The following ARHGAP12 variants were observed in gnomAD, a reference collection of about 807,000 sequenced individuals.
The protein encoded by ARHGAP12 is rho GTPase-activating protein 12.
In ARHGAP12, 64 loss-of-function variants were observed where a neutral mutation model predicts 108.6. The ratio of observed to expected loss-of-function variants is 0.59; its 90% CI spans 0.48 to 0.73. The LOEUF (loss-of-function observed/expected upper bound fraction) is 0.73, where lower values mean the gene tolerates loss of function less well. Ranked by LOEUF, ARHGAP12 falls within the 30% of genes least tolerant of loss-of-function variation. The pLI, the probability that ARHGAP12 is intolerant of heterozygous loss-of-function variation, is 0.00. For synonymous variants in ARHGAP12, 312 were observed against 337.2 expected (o/e 0.93, Z 0.82); for missense variants, 940 against 1,005.9 (o/e 0.93, Z 0.89).
chr10:31,899,695 G>A (rs967880620), intron 3 of ARHGAP12, among the ~76,000 whole-genome samples: 2 of 152,084 alleles, frequency 1.3e-5, no homozygotes, highest in African/African-American at 4.8e-5. Context: ...TGAACCTAAA[G>A]ACCTTACACC....
intron 3 of ARHGAP12, among the ~76,000 whole-genome samples, chr10:31,903,875 T>C (rs1029153908): frequency 6.6e-6 from 1 of 152,182 alleles, no homozygotes; most frequent in African/African-American, 2.4e-5. Flanking sequence ...TCAACATCAG[T>C]ACCCATTAGA....
In ARHGAP12 at chr10:31,828,981, G is replaced by A. The variant is rs147837843; in HGVS notation, c.1449-2596C>T. Among the ~76,000 whole-genome samples, 1,384 of 152,128 alleles carry A rather than the reference G, an allele frequency of 9.1e-3. 12 individuals are homozygous for A. The highest frequency in any genetic ancestry group is 0.032 in the African/African-American group (1,316 of 41,478). ...AGCCTGGTCAAAATGGTGAAACCCC[G>A]TCTCTACTAAAAATACAAAAATTAG... is the stretch of plus-strand genomic sequence containing the variant. On this transcript the variant is annotated intron_variant, in intron 10 of 19. Transcript: ENST00000344936.
intron 6 of ARHGAP12, among the ~76,000 whole-genome samples, chr10:31,851,100 G>T (rs1379087297): frequency 6.6e-6 from 1 of 151,906 alleles, no homozygotes; most frequent in Non-Finnish European, 1.5e-5. Context: ...TTATACGGGA[G>T]CTCTTATAAT....
rs763082725 is a variant in ARHGAP12 at position 31,852,595 on chromosome 10, C to A, written c.1092G>T (p.Trp364Cys). ...TACCTTGATCATCAACATGCTTGAG[C>A]CACTATAAAAACAGAACAGGTGTTT... ...LYTSDYTNEK[W>C]LKHVDDQGRQ... Residue 364 changes from tryptophan to cysteine, a missense_variant and splice_region_variant, in exon 6 of 20, where the codon TGG becomes TGT. By Grantham distance (215) the Trp-to-Cys change is radical. Coordinates refer to ENST00000344936, the MANE Select transcript of ARHGAP12 (RefSeq NM_018287.7). 1 of 1,610,608 alleles carries A rather than the reference C, an allele frequency of 6.2e-7. No individual in the cohort carries two copies. The highest frequency in any genetic ancestry group is 8.5e-7 in the Non-Finnish European group (1 of 1,177,060).
At chr10:31,843,702 T>C in intron 6 of ARHGAP12, 116 bp from the exon 7 acceptor site, 1 of 1,201,778 alleles carries the variant, frequency 8.3e-7, no homozygotes, top group Non-Finnish European at 1.1e-6. Context: ...GTTCATTATA[T>C]GACATCTCCA....
At chr10:31,810,774 C>A in intron 15 of ARHGAP12, 27 bp from the exon 16 acceptor site, 1 of 1,539,368 alleles carries the variant, frequency 6.5e-7, no homozygotes, top group South Asian at 1.1e-5. Flanking sequence ...TTTAAAAAGT[C>A]AATCACCTTG....
chr10:31,917,157 C>T (rs1024916701), intron 1 of ARHGAP12, among the ~76,000 whole-genome samples: 1 of 150,214 alleles, frequency 6.7e-6, no homozygotes, highest in Non-Finnish European at 1.5e-5. Context: ...ACCTGTTAAT[C>T]CCAGCACTTT....
At chr10:31,887,631 G>A (rs1838235729) in intron 3 of ARHGAP12, among the ~76,000 whole-genome samples, 1 of 150,682 alleles carries the variant, frequency 6.6e-6, no homozygotes. Flanking sequence ...TTCAAAGGGA[G>A]TATCATTTTG....
intron 3 of ARHGAP12, among the ~76,000 whole-genome samples, chr10:31,876,041 A>G (rs1837717895): frequency 7.0e-6 from 1 of 143,332 alleles, no homozygotes; most frequent in Non-Finnish European, 1.6e-5. Context: ...TAATGTATTC[A>G]TCCATCAATA....
At chr10:31,808,322 C>T (rs1315248854) in intron 19 of ARHGAP12, 1 of 180,572 alleles carries the variant, frequency 5.5e-6, no homozygotes, top group African/African-American at 2.4e-5. Context: ...ATGTAGTAAC[C>T]TAGAACCATG....
chr10:31,903,695 A>G (rs1839014711), intron 3 of ARHGAP12, among the ~76,000 whole-genome samples: 1 of 152,214 alleles, frequency 6.6e-6, no homozygotes, highest in South Asian at 2.1e-4. Context: ...AAATATCTGC[A>G]AACCATGTAT....
chr10:31,862,705 GACACACACACACACAC>G (rs559731195), intron 3 of ARHGAP12, among the ~76,000 whole-genome samples: 2,017 of 133,172 alleles, frequency 0.015, 21 homozygotes, highest in Non-Finnish European at 0.023. Context: ...TGCACACACA[GACACACACACACACAC>G]ACACACACAC....
At position 31,877,196 on chromosome 10, in the gene ARHGAP12, G is replaced by GA. The variant is rs376811276; in HGVS notation, c.685-15539dup. ...GTTGCGCATTAGAATGAGATATACT[G>GA]AAAGTAGCATAAAGACGCCTGGTTC... On this transcript the variant is annotated intron_variant, in intron 3 of 19. Coordinates refer to ENST00000344936, the MANE Select transcript of ARHGAP12 (RefSeq NM_018287.7). 1.0e-3 allele frequency among the ~76,000 whole-genome samples: 158 copies of GA among 152,288 alleles called. 2 individuals carry two copies. The Middle Eastern group carries it at 0.014, about 13-fold the overall frequency.
At chr10:31,919,076 G>A (rs1322125178) in intron 1 of ARHGAP12, among the ~76,000 whole-genome samples, 1 of 152,198 alleles carries the variant, frequency 6.6e-6, no homozygotes, top group East Asian at 1.9e-4. Context: ...ACAGTACAAT[G>A]TGAATGAACT....
chr10:31,926,023 TTATA>T (rs59659408), intron 1 of ARHGAP12, among the ~76,000 whole-genome samples: 7,804 of 152,224 alleles, frequency 0.051, 657 homozygotes, highest in African/African-American at 0.18. Context: ...CACAAGTAAT[TTATA>T]TAGGCATTAC....
chr10:31,927,934 G>T (rs908534486), intron 1 of ARHGAP12, among the ~76,000 whole-genome samples: 1 of 152,226 alleles, frequency 6.6e-6, no homozygotes, highest in African/African-American at 2.4e-5. Flanking sequence ...TTCAATTCAA[G>T]GACTTTGAGG....
At position 31,810,736 on chromosome 10, in the gene ARHGAP12, C is replaced by T; in HGVS notation, c.1963G>A (p.Gly655Arg). 6.2e-7 allele frequency: 1 copy of T among 1,605,250 alleles called. No homozygotes were observed. Among genetic ancestry groups the T allele is most frequent in the Non-Finnish European group, 8.5e-7 (1 of 1,176,418 alleles). The change falls in exon 16 of 20, where the codon GGA becomes AGA. Residue 655 changes from glycine (G) to arginine (R), a missense_variant. Physicochemically the swap from Gly to Arg is moderately radical, Grantham distance 125. Transcript: ENST00000344936. ...EKGYIKDQVF[G>R]SNLANLCQRE... The stretch of plus-strand genomic sequence containing the variant: ...TGACACAGATTAGCGAGATTGGATC[C>T]AAATACCTGATCTGAAAAAGATTTA...
At chr10:31,917,206 G>A (rs561805387) in intron 1 of ARHGAP12, among the ~76,000 whole-genome samples, 1 of 151,810 alleles carries the variant, frequency 6.6e-6, no homozygotes, top group East Asian at 2.0e-4. Flanking sequence ...TCAGGAAATC[G>A]AGACCATGCT....
chr10:31,910,046 A>T (rs917811788), intron 2 of ARHGAP12, among the ~76,000 whole-genome samples: 53 of 152,172 alleles, frequency 3.5e-4, no homozygotes, highest in African/African-American at 1.2e-3. Context: ...GAAGTCAGGC[A>T]GGGGTGAGGA....
Sources: gnomAD v4.1 joint callset for allele counts (sites outside exome capture counted in the v4.1 genomes callset) on GRCh38, gnomAD v4.1.1 for gene constraint, MANE v1.5 for transcripts, NCBI Gene and HGNC (gene_info 2026-07-23, HGNC 2026-07-21) for gene names.